The following DENND2B variants were observed in gnomAD, a reference collection of about 807,000 sequenced individuals.
The protein encoded by DENND2B is DENN domain containing 2B, also known as DENN domain-containing protein 2B.
In DENND2B, 32 loss-of-function variants were observed where a neutral mutation model predicts 116.0. The observed-to-expected ratio is 0.28, with a 90% CI of 0.21 to 0.37. DENND2B has a LOEUF of 0.37. Among genes scored for constraint, DENND2B ranks in the 10% least tolerant of loss-of-function variants. The pLI, the probability that DENND2B is intolerant of heterozygous loss-of-function variation, is 1.00. For missense variants in DENND2B, 1,276 were observed against 1,477.7 expected, an observed-to-expected ratio of 0.86 and a Z score of 2.24; for synonymous variants, 588 against 583.9, an observed-to-expected ratio of 1.01 and a Z score of -0.10.
intron 4 of DENND2B, among the ~76,000 whole-genome samples, chr11:8,834,365 C>T (rs2062335808): frequency 6.6e-6 from 1 of 152,210 alleles, no homozygotes; most frequent in African/African-American, 2.4e-5. Context: ...AGACCTGATA[C>T]AGCATTGCAA....
intron 2 of DENND2B, among the ~76,000 whole-genome samples, chr11:8,867,394 C>T (rs934470768): frequency 6.6e-5 from 10 of 152,130 alleles, no homozygotes; most frequent in Non-Finnish European, 1.0e-4. Context: ...TTGCACATCT[C>T]TAAATCCTGG....
At chr11:8,746,800 C>T (rs946577513) in intron 2 of DENND2B, among the ~76,000 whole-genome samples, 3 of 152,180 alleles carry the variant, frequency 2.0e-5, no homozygotes, top group Admixed American at 2.0e-4. Context: ...GCAGGAAGAT[C>T]CCAGGAGTGC....
At chr11:8,714,461 A>C in intron 7 of DENND2B, 149 bp downstream of exon 7, 1 of 682,724 alleles carries the variant, frequency 1.5e-6, no homozygotes. Flanking sequence ...GAAGGAACCC[A>C]TCCCAGACCT....
Position 8,707,895 on chromosome 11 carries a change from G to C in DENND2B, c.2353-41C>G. 6.3e-7 allele frequency: 1 copy of C among 1,581,208 alleles called. No homozygotes were observed. The highest frequency in any genetic ancestry group is 1.3e-5 in the African/African-American group (1 of 74,752). On this transcript the variant is annotated intron_variant, in intron 11 of 19. Coordinates refer to ENST00000313726, the MANE Select transcript of DENND2B (RefSeq NM_213618.2). The surrounding 1 kb of genome is among the most constrained non-coding windows in gnomAD (Gnocchi z 4.8). ...GAGGAGGAGGAGAGAGACAGACACA[G>C]AGAATGCATGATTACCATTTCTGGC...
At chr11:8,703,022 TTAGAGA>T in intron 13 of DENND2B, 1 of 389,658 alleles carries the variant, frequency 2.6e-6, no homozygotes, top group Non-Finnish European at 4.7e-6. Context: ...CTGACTGCTC[TTAGAGA>T]TAGGGAGAAG....
chr11:8,793,269 G>C (rs1436766317), intron 1 of DENND2B, among the ~76,000 whole-genome samples: 1 of 152,070 alleles, frequency 6.6e-6, no homozygotes, highest in African/African-American at 2.4e-5. Flanking sequence ...ACAATGTTGT[G>C]CAACCATTAC....
chr11:8,821,293 C>T (rs914161716), intron 4 of DENND2B, among the ~76,000 whole-genome samples: 5 of 151,578 alleles, frequency 3.3e-5, no homozygotes, highest in South Asian at 2.1e-4. Flanking sequence ...ATTTATAACA[C>T]GTTTTTTATT....
intron 4 of DENND2B, among the ~76,000 whole-genome samples, chr11:8,722,038 A>G (rs894456759): frequency 6.6e-5 from 10 of 152,244 alleles, no homozygotes; most frequent in Non-Finnish European, 1.2e-4. Flanking sequence ...GCCTGGTAGA[A>G]TAGCAGCATC....
In DENND2B at chr11:8,880,381, G is replaced by GTGTGTGTA. The variant is rs1566080042; in HGVS notation, c.-156+628_-156+629insTACACACA. Among the ~76,000 whole-genome samples the GTGTGTGTA allele has an allele frequency of 9.7e-4, 140 of 145,054 alleles. No individual in the cohort carries two copies. In the East Asian group the frequency reaches 0.015, roughly 15 times the overall value. ...TGTGTGTGTGTGTGTGTGTGTGTGT[G>GTGTGTGTA]TGTAGTTTTTACTACCAAATGTGAT... On this transcript the variant is annotated intron_variant, in intron 2 of 22. Coordinates refer to the DENND2B transcript ENST00000534127.
intron 2 of DENND2B, among the ~76,000 whole-genome samples, chr11:8,878,121 C>T (rs2568042): frequency 0.29 from 43,690 of 151,986 alleles, 7,105 homozygotes; most frequent in Middle Eastern, 0.43. Context: ...TTGCCTAAGC[C>T]ATGAAAATGA....
At chr11:8,800,980 G>A (rs1259389826) in intron 1 of DENND2B, among the ~76,000 whole-genome samples, 1 of 151,274 alleles carries the variant, frequency 6.6e-6, no homozygotes, top group Non-Finnish European at 1.5e-5. Context: ...GAAGTACCAG[G>A]AACTTACCTT....
intron 1 of DENND2B, chr11:8,895,681 C>T (rs1374924014): frequency 6.6e-6 from 1 of 152,086 alleles, no homozygotes; most frequent in Non-Finnish European, 1.5e-5. Context: ...GTGATAGTTG[C>T]ACATTTTGAA....
chr11:8,881,841 G>A (rs540998140), intron 1 of DENND2B, among the ~76,000 whole-genome samples: 70 of 152,256 alleles, frequency 4.6e-4, no homozygotes, highest in Non-Finnish European at 8.7e-4. Context: ...CAGCATGCCC[G>A]GCCAGTCTTG....
intron 11 of DENND2B, among the ~76,000 whole-genome samples, chr11:8,708,876 G>A (rs538851096): frequency 6.7e-6 from 1 of 149,274 alleles, no homozygotes; most frequent in Admixed American, 6.6e-5. Flanking sequence ...GCTTGAACCC[G>A]GGAGGTGGAG....
intron 1 of DENND2B, among the ~76,000 whole-genome samples, chr11:8,752,145 G>C (rs987548610): frequency 6.6e-6 from 1 of 152,002 alleles, no homozygotes; most frequent in South Asian, 2.1e-4. Flanking sequence ...ATGGTAAGTG[G>C]AATAAAAAAA....
chr11:8,900,127 T>C (rs1018951906), intron 1 of DENND2B, among the ~76,000 whole-genome samples: 4 of 151,686 alleles, frequency 2.6e-5, no homozygotes, highest in Admixed American at 2.0e-4. Context: ...ACCATCTCTA[T>C]AAAAAATGTA....
intron 16 of DENND2B, 128 bp downstream of exon 16, chr11:8,698,805 T>C: frequency 1.8e-6 from 2 of 1,134,520 alleles, no homozygotes; most frequent in South Asian, 2.5e-5. Context: ...CTCCCCACCC[T>C]TGACTAGTCT....
Position 8,714,161 on chromosome 11 carries a change from G to A in DENND2B, c.1943-119C>T, listed in dbSNP as rs1351871172. ...TCTCTACCTTCTCTGGGCTACTCTG[G>A]GCCCATGGTCAGGCATCTGCAGGCA... On this transcript the variant is annotated intron_variant, in intron 7 of 19. Coordinates refer to ENST00000313726, the MANE Select transcript of DENND2B (RefSeq NM_213618.2). 8 of 1,055,308 alleles carry A rather than the reference G, an allele frequency of 7.6e-6. No homozygotes were observed. The Admixed American group carries it at 1.3e-4, about 17-fold the overall frequency. 65.4% of individuals were successfully genotyped at this position (1,055,308 alleles called of 1,614,324 possible).
intron 2 of DENND2B, among the ~76,000 whole-genome samples, chr11:8,861,934 A>C (rs2063405926): frequency 6.6e-6 from 1 of 152,178 alleles, no homozygotes; most frequent in Non-Finnish European, 1.5e-5. Context: ...AGGAATGCAA[A>C]ACCAAATACT....
Sources: allele counts gnomAD v4.1 joint callset (sites outside exome capture counted in the v4.1 genomes callset), GRCh38; gene constraint gnomAD v4.1.1; non-coding constraint Gnocchi (gnomAD v3.1); transcripts MANE v1.5; gene names NCBI Gene and HGNC (gene_info 2026-07-23, HGNC 2026-07-21).